The following PTPRG variants were observed in gnomAD, a reference collection of about 807,000 sequenced individuals.
PTPRG encodes protein tyrosine phosphatase receptor type G.
Under a neutral mutation model 165.3 loss-of-function variants are expected in PTPRG, and 102 were observed. The ratio of observed to expected loss-of-function variants is 0.62; its 90% confidence interval spans 0.53 to 0.73. PTPRG has a LOEUF of 0.73. Among genes scored for constraint, PTPRG ranks in the 30% least tolerant of loss-of-function variants. The probability of loss-of-function intolerance (pLI) is 0.00; values close to 1 mark genes in which losing one functional copy is unlikely to be tolerated. For synonymous variants in PTPRG, 675 were observed against 669.5 expected (o/e 1.01, Z -0.13); for missense variants, 1,866 against 1,861.4 (o/e 1.00, Z -0.05).
intron 1 of PTPRG, among the ~76,000 whole-genome samples, chr3:61,673,784 T>G (rs772984547): frequency 2.9e-4 from 44 of 152,104 alleles, no homozygotes; most frequent in South Asian, 6.2e-4. Context: ...TTGACTGGAT[T>G]GGGAGGATTG....
chr3:62,101,904 ACAG>A (rs1702300438), intron 5 of PTPRG, among the ~76,000 whole-genome samples: 1 of 152,246 alleles, frequency 6.6e-6, no homozygotes, highest in African/African-American at 2.4e-5. Context: ...ACACAAATAA[ACAG>A]CAGGCATTAT....
At position 61,753,601 on chromosome 3, in the gene PTPRG, T is replaced by TTTTTG. The variant is rs774438510; in HGVS notation, c.190+4619_190+4620insTTTTG. 315 of 441,240 alleles carry TTTTTG rather than the reference T, an allele frequency of 7.1e-4. 7 individuals carry two copies. Among genetic ancestry groups the TTTTTG allele is most frequent in the Middle Eastern group, 1.8e-3 (4 of 2,182 alleles). The allele number at this position is 441,240 out of a possible 1,614,324, so 27.3% of individuals were successfully genotyped here. Reference sequence around the variant, plus strand: ...AATTTGAGGGTTTTTTTTTTTTTTTTGGAGATTGGATCTTGCTCTTTCACC... The same window carrying TTTTTG: ...AATTTGAGGGTTTTTTTTTTTTTTTTTTTTGGGAGATTGGATCTTGCTCTTTCACC... On this transcript the variant is annotated intron_variant, in intron 2 of 29. Transcript: ENST00000474889.
chr3:62,126,098 C>T (rs1351000081), intron 5 of PTPRG, among the ~76,000 whole-genome samples: 2 of 152,172 alleles, frequency 1.3e-5, no homozygotes, highest in African/African-American at 4.8e-5. Context: ...TGACAATCTG[C>T]AAGACTGCTC....
chr3:62,217,092 T>G lies in PTPRG; in HGVS notation c.2156-1759T>G, dbSNP rs1431992474. ...TGGGTACAGCAGTGCTACTATCTGA[T>G]GTACTGATGTGTCCCCATCCCCTCG... is the stretch of plus-strand genomic sequence containing the variant. On this transcript the variant is annotated intron_variant, in intron 12 of 29. Coordinates refer to ENST00000474889, the MANE Select transcript of PTPRG (RefSeq NM_002841.4). This position sits in a 1 kb window ranked among gnomAD's most constrained non-coding sequence, Gnocchi z 4.3. 1.3e-5 allele frequency among the ~76,000 whole-genome samples: 2 copies of G among 152,216 alleles called. No homozygotes were observed. Among genetic ancestry groups the G allele is most frequent in the Non-Finnish European group, 2.9e-5 (2 of 68,040 alleles).
intron 5 of PTPRG, 102 bp from the exon 6 acceptor site, chr3:62,132,500 A>G: frequency 5.5e-6 from 5 of 916,980 alleles, no homozygotes; most frequent in Non-Finnish European, 9.1e-6. Flanking sequence ...GCAGCTTGCT[A>G]GATAACATTC....
intron 5 of PTPRG, among the ~76,000 whole-genome samples, chr3:62,092,461 A>G (rs1442792080): frequency 8.5e-6 from 1 of 117,102 alleles, no homozygotes; most frequent in East Asian, 2.3e-4. Flanking sequence ...AAAAAAAAAG[A>G]AAAAGACAAG....
intron 1 of PTPRG, among the ~76,000 whole-genome samples, chr3:61,742,038 A>G (rs1175559552): frequency 3.3e-5 from 5 of 152,140 alleles, no homozygotes; most frequent in African/African-American, 4.8e-5. Flanking sequence ...AAAAACATCT[A>G]TGTCACGAAT....
chr3:61,664,293 C>A (rs1463077900), intron 1 of PTPRG, among the ~76,000 whole-genome samples: 1 of 152,130 alleles, frequency 6.6e-6, no homozygotes, highest in Non-Finnish European at 1.5e-5. Context: ...GTCATAGTTA[C>A]CCAGCAGGAA....
intron 2 of PTPRG, among the ~76,000 whole-genome samples, chr3:61,772,991 A>G (rs1037026845): frequency 2.0e-5 from 3 of 152,218 alleles, no homozygotes; most frequent in Non-Finnish European, 4.4e-5. Flanking sequence ...ATCAACAATG[A>G]AGGAATTGCT....
intron 2 of PTPRG, among the ~76,000 whole-genome samples, chr3:61,797,743 T>G (rs2035097125): frequency 6.6e-6 from 1 of 152,118 alleles, no homozygotes; most frequent in South Asian, 2.1e-4. Flanking sequence ...GTTTGTATGC[T>G]GGTGTTAGAT....
At chr3:61,828,675 G>C (rs1278418387) in intron 2 of PTPRG, among the ~76,000 whole-genome samples, 3 of 152,180 alleles carry the variant, frequency 2.0e-5, no homozygotes. Context: ...GGATGCATTG[G>C]AAAGGCTTCA....
At chr3:61,991,539 C>G (rs2040890228) in intron 3 of PTPRG, among the ~76,000 whole-genome samples, 1 of 152,236 alleles carries the variant, frequency 6.6e-6, no homozygotes, top group African/African-American at 2.4e-5. Flanking sequence ...CTCTCTACCA[C>G]CCCAGCACAG....
intron 2 of PTPRG, among the ~76,000 whole-genome samples, chr3:61,798,619 GTTTTTTT>G (rs375412571): frequency 7.8e-6 from 1 of 128,140 alleles, no homozygotes; most frequent in South Asian, 2.6e-4. Flanking sequence ...GTTGCTGCTG[GTTTTTTT>G]TTTTTTTTTT....
At chr3:62,207,028 T>A (rs970413221) in intron 12 of PTPRG, among the ~76,000 whole-genome samples, 1 of 150,160 alleles carries the variant, frequency 6.7e-6, no homozygotes. Context: ...TTCTGAAAGC[T>A]AAAAAAAACT....
At chr3:62,177,020 T>A (rs1705451842) in intron 8 of PTPRG, among the ~76,000 whole-genome samples, 1 of 152,040 alleles carries the variant, frequency 6.6e-6, no homozygotes, top group African/African-American at 2.4e-5. Flanking sequence ...TCCCAACACT[T>A]TGGGAGGCCA....
intron 2 of PTPRG, among the ~76,000 whole-genome samples, chr3:61,933,127 T>C (rs895453006): frequency 1.3e-5 from 2 of 152,086 alleles, no homozygotes; most frequent in African/African-American, 4.8e-5. Context: ...AGCATAAATA[T>C]GCAAAACAAA....
At chr3:61,712,420 T>C (rs976447590) in intron 1 of PTPRG, among the ~76,000 whole-genome samples, 20 of 152,160 alleles carry the variant, frequency 1.3e-4, no homozygotes, top group African/African-American at 4.8e-4. Flanking sequence ...TGTTTGGCTC[T>C]GTATCTCCAC....
intron 4 of PTPRG, among the ~76,000 whole-genome samples, chr3:62,041,384 T>C (rs776653518): frequency 2.5e-4 from 38 of 152,268 alleles, no homozygotes; most frequent in Non-Finnish European, 4.4e-4. Flanking sequence ...GTGAGCAGAT[T>C]GTTGTCAAAA....
At chr3:61,756,756 T>G (rs886914411) in intron 2 of PTPRG, among the ~76,000 whole-genome samples, 1 of 152,196 alleles carries the variant, frequency 6.6e-6, no homozygotes, top group Non-Finnish European at 1.5e-5. Context: ...AAATACTGTT[T>G]AGTGCTGTGT....
Sources: allele counts gnomAD v4.1 joint callset (sites outside exome capture counted in the v4.1 genomes callset), GRCh38; gene constraint gnomAD v4.1.1; non-coding constraint Gnocchi (gnomAD v3.1); transcripts MANE v1.5; gene names NCBI Gene and HGNC (gene_info 2026-07-23, HGNC 2026-07-21).